TBK1: variants seen among roughly 807,000 people sequenced by gnomAD.
TBK1 encodes serine/threonine-protein kinase TBK1.
TBK1 carries 37 observed loss-of-function variants against 99.9 expected under a neutral mutation model. The observed-to-expected ratio is 0.37, with a 90% CI of 0.28 to 0.49. TBK1 has a LOEUF of 0.49. TBK1 is among the 20% of genes least tolerant of loss of function. TBK1 has a pLI of 0.98. For missense variants in TBK1, 644 were observed against 872.5 expected (o/e 0.74, Z 3.30); for synonymous variants, 258 against 279.8 (o/e 0.92, Z 0.78).
rs1460292874 is a variant in TBK1 at position 64,460,060 on chromosome 12, AT to A, written c.88-127del. The A allele has an allele frequency of 1.5e-5, 8 of 540,710 alleles. No individual in the cohort carries two copies. In the African/African-American group the frequency reaches 1.6e-4, roughly 11 times the overall value. The allele number at this position is 540,710 out of a possible 1,614,324, so 33.5% of individuals were successfully genotyped here. A position where few individuals can be genotyped will look rare whatever the true frequency, so the allele number is the denominator to read the frequency against. ...AGAAAAGTCAAAAGTCCTCATACAG[AT>A]TCCCTGTGCCTAAAAGATGCATGAT... On this transcript the variant is annotated intron_variant, in intron 2 of 20. Coordinates refer to ENST00000331710, the MANE Select transcript of TBK1 (RefSeq NM_013254.4).
chr12:64,472,273 C>T (rs2040670904), intron 5 of TBK1, among the ~76,000 whole-genome samples: 2 of 150,084 alleles, frequency 1.3e-5, no homozygotes, highest in Admixed American at 1.3e-4. Flanking sequence ...CCACCCCGAC[C>T]CTCAGAAATC....
intron 8 of TBK1, among the ~76,000 whole-genome samples, chr12:64,483,147 A>C (rs2040784405): frequency 6.6e-6 from 1 of 152,234 alleles, no homozygotes. Flanking sequence ...AGCTAAAAAA[A>C]TATAATTTGA....
At chr12:64,452,302 T>C (rs959783108) in intron 1 of TBK1, 115 bp downstream of exon 1, 6 of 151,982 alleles carry the variant, frequency 3.9e-5, no homozygotes, top group African/African-American at 1.5e-4. Flanking sequence ...GGATGCTGAG[T>C]CAGAGCGGGG....
intron 10 of TBK1, 144 bp downstream of exon 10, chr12:64,485,657 A>AT (rs2040813747): frequency 6.3e-6 from 3 of 479,714 alleles, no homozygotes; most frequent in Admixed American, 8.3e-5. Flanking sequence ...TTTCCAAGTG[A>AT]TTTTGTGGTC....
At chr12:64,454,786 C>T (rs1266227486) in intron 1 of TBK1, among the ~76,000 whole-genome samples, 1 of 147,530 alleles carries the variant, frequency 6.8e-6, no homozygotes, top group Non-Finnish European at 1.5e-5. Flanking sequence ...CCGCCATTCT[C>T]CTGCGTCAGC....
chr12:64,480,981 C>A (rs2040762779), intron 7 of TBK1, among the ~76,000 whole-genome samples: 1 of 151,962 alleles, frequency 6.6e-6, no homozygotes, highest in Non-Finnish European at 1.5e-5. Context: ...TTCATTTAAA[C>A]CAAGAGTTCC....
In TBK1 at chr12:64,460,199, A is replaced by T; in HGVS notation, c.98A>T (p.Asp33Val). The T allele has an allele frequency of 6.7e-7, 1 of 1,499,992 alleles. No homozygotes were observed. The highest frequency in any genetic ancestry group is 9.0e-7 in the Non-Finnish European group (1 of 1,114,646). The allele number at this position is 1,499,992 out of a possible 1,614,324, so 92.9% of individuals were successfully genotyped here. The change falls in exon 3 of 21, where the codon GAT becomes GTT. Residue 33 changes from aspartate to valine, a missense_variant. This residue lies in a region of TBK1 where 148 missense variants were observed against 202.1 expected (regional missense o/e 0.73). Coordinates refer to ENST00000331710, the MANE Select transcript of TBK1 (RefSeq NM_013254.4). ...CTCTCTTTTTTAAAGAAAACTGGTGATTTATTTGCTATCAAAGTATTTAAT... is the reference window on the plus strand; with the variant it reads ...CTCTCTTTTTTAAAGAAAACTGGTGTTTTATTTGCTATCAAAGTATTTAAT... ...VFRGRHKKTGDLFAIKVFNNI... is the reference protein window; with the variant it reads ...VFRGRHKKTGVLFAIKVFNNI...
intron 2 of TBK1, among the ~76,000 whole-genome samples, chr12:64,458,626 C>G (rs931768025): frequency 6.6e-6 from 1 of 151,818 alleles, no homozygotes; most frequent in African/African-American, 2.4e-5. Context: ...ACCTGGATCC[C>G]GATAATCTCA....
intron 8 of TBK1, 34 bp from the exon 9 acceptor site, chr12:64,484,267 CCA>C (rs2040796610): frequency 7.1e-7 from 1 of 1,413,226 alleles, no homozygotes; most frequent in Non-Finnish European, 9.7e-7. Context: ...CACTTTATCC[CCA>C]GTTATAGTGT....
intron 6 of TBK1, 127 bp downstream of exon 6, chr12:64,474,517 AC>A: frequency 2.1e-6 from 2 of 947,614 alleles, no homozygotes; most frequent in Admixed American, 5.6e-5. Context: ...ATTTTAAGCT[AC>A]CTGGTTTTTA....
At chr12:64,464,493 T>C (rs748600568) in intron 4 of TBK1, 30 bp downstream of exon 4, 1 of 1,477,352 alleles carries the variant, frequency 6.8e-7, no homozygotes, top group South Asian at 1.4e-5. Flanking sequence ...TGATATCATT[T>C]GTATATAAAA....
chr12:64,488,602 T>C lies in TBK1; in HGVS notation c.1442+14T>C. On this transcript the variant is annotated intron_variant, in intron 12 of 20. Transcript: ENST00000331710. ...AACTGTGAAAGTGTGAGTAGACTAC[T>C]TCCTTACTAGTAGGGGTTAAATTAT... is the stretch of plus-strand genomic sequence containing the variant. The C allele has an allele frequency of 6.7e-7, 1 of 1,500,388 alleles. No homozygotes were observed. Among genetic ancestry groups the C allele is most frequent in the African/African-American group, 1.4e-5 (1 of 71,840 alleles). 92.9% of individuals were successfully genotyped at this position (1,500,388 alleles called of 1,614,324 possible).
intron 13 of TBK1, among the ~76,000 whole-genome samples, chr12:64,490,410 A>G (rs1380441100): frequency 2.0e-5 from 3 of 152,238 alleles, no homozygotes; most frequent in African/African-American, 7.2e-5. Context: ...CTGCAGAGAA[A>G]GAATTTTTCC....
In TBK1 at chr12:64,480,055, G is replaced by T. The variant is rs1048722058; in HGVS notation, c.745G>T (p.Val249Leu). The T allele has an allele frequency of 1.2e-6, 2 of 1,612,768 alleles. No individual in the cohort carries two copies. Among genetic ancestry groups the T allele is most frequent in the African/African-American group, 2.7e-5 (2 of 74,822 alleles). The change falls in exon 7 of 21, where the codon GTA becomes TTA. Residue 249 changes from valine to leucine, a missense_variant. Val to Leu is a conservative substitution (Grantham distance 32). Coordinates refer to ENST00000331710, the MANE Select transcript of TBK1 (RefSeq NM_013254.4). ...AAAGCCTTCTGGTGCAATATCTGGA[G>T]TACAGAAAGCAGAAAATGGACCAAT... ...TGKPSGAISG[V>L]QKAENGPIDW... is the part of the protein sequence containing the mutation.
chr12:64,488,808 A>T (rs148082871), intron 12 of TBK1, among the ~76,000 whole-genome samples: 1 of 152,204 alleles, frequency 6.6e-6, no homozygotes, highest in African/African-American at 2.4e-5. Context: ...CCTAGCCAAC[A>T]TGGTGAAACT....
chr12:64,495,280 T>C, intron 13 of TBK1: 1 of 500,174 alleles, frequency 2.0e-6, no homozygotes, highest in Non-Finnish European at 3.4e-6. Context: ...TTACTGCTGG[T>C]CTCATGTTTT....
chr12:64,462,992 C>T (rs1212456058), intron 3 of TBK1, among the ~76,000 whole-genome samples: 1 of 152,194 alleles, frequency 6.6e-6, no homozygotes, highest in Non-Finnish European at 1.5e-5. Flanking sequence ...GATAGGACTC[C>T]ATTCCTTGAA....
chr12:64,455,924 A>C lies in TBK1; in HGVS notation c.54A>C (p.Gly18=). The change falls in exon 2 of 21, where the codon GGA becomes GGC. Residue 18 remains glycine (G), a synonymous_variant. Transcript: ENST00000331710. The part of the protein sequence containing the change: ...LWLLSDILGQ[G]ATANVFRGRH... ...TTTTATCTGATATTTTAGGCCAAGGAGCTACTGCAAATGTCTTTCGTGGAA... is the reference window on the plus strand; with the variant it reads ...TTTTATCTGATATTTTAGGCCAAGGCGCTACTGCAAATGTCTTTCGTGGAA... The C allele has an allele frequency of 6.2e-7, 1 of 1,613,932 alleles. No individual in the cohort carries two copies.
At chr12:64,492,880 TC>T (rs1281975121) in intron 13 of TBK1, among the ~76,000 whole-genome samples, 16 of 148,316 alleles carry the variant, frequency 1.1e-4, no homozygotes. Flanking sequence ...CGCCACCACG[TC>T]CAGCTAATTT....
Sources: allele counts gnomAD v4.1 joint callset (sites outside exome capture counted in the v4.1 genomes callset), GRCh38; gene constraint gnomAD v4.1.1; regional missense constraint gnomAD v4.1.1; transcripts MANE v1.5; gene names NCBI Gene and HGNC (gene_info 2026-07-23, HGNC 2026-07-21).